Variants in CSMD1 observed in about 807,000 individuals in gnomAD.
The protein encoded by CSMD1 is CUB and sushi domain-containing protein 1.
Under a neutral mutation model 417.5 loss-of-function variants are expected in CSMD1, and 213 were observed. The observed-to-expected ratio is 0.51, with a 90% CI of 0.46 to 0.57. The LOEUF is 0.57. Among genes scored for constraint, CSMD1 ranks in the 20% least tolerant of loss-of-function variants. The pLI is 0.00. For synonymous variants in CSMD1, 2,862 were observed against 1,736.8 expected, an observed-to-expected ratio of 1.65 and a Z score of -16.11; for missense variants, 6,923 against 4,529.7, an observed-to-expected ratio of 1.53 and a Z score of -15.17.
intron 2 of CSMD1, among the ~76,000 whole-genome samples, chr8:4,445,097 A>G (rs1798704105): frequency 1.3e-5 from 2 of 152,216 alleles, no homozygotes; most frequent in Non-Finnish European, 2.9e-5. Context: ...TACTTCTCTG[A>G]ACAACAAAAA....
chr8:3,798,074 T>C (rs761294898), intron 5 of CSMD1, among the ~76,000 whole-genome samples: 1 of 152,006 alleles, frequency 6.6e-6, no homozygotes, highest in Non-Finnish European at 1.5e-5. Context: ...CATTGAAGTA[T>C]TGTGATGATT....
intron 5 of CSMD1, among the ~76,000 whole-genome samples, chr8:3,768,998 C>G (rs1798435229): frequency 6.6e-6 from 1 of 152,194 alleles, no homozygotes. Flanking sequence ...CACAGCAGGC[C>G]CACAGCACAC....
intron 5 of CSMD1, among the ~76,000 whole-genome samples, chr8:3,934,924 G>C (rs768391130): frequency 6.6e-6 from 1 of 152,016 alleles, no homozygotes; most frequent in African/African-American, 2.4e-5. Flanking sequence ...TTATAAGTAC[G>C]GGAGTAGAGG....
At chr8:3,240,121 C>T (rs1389944950) in intron 26 of CSMD1, among the ~76,000 whole-genome samples, 7 of 152,108 alleles carry the variant, frequency 4.6e-5, no homozygotes, top group Admixed American at 2.0e-4. Context: ...CTAGGCAAAA[C>T]AGTAAGGTCA....
chr8:3,736,765 T>G (rs2981369), intron 6 of CSMD1, among the ~76,000 whole-genome samples: 2 of 151,998 alleles, frequency 1.3e-5, no homozygotes, highest in Non-Finnish European at 2.9e-5. Flanking sequence ...AGGTGTGTCG[T>G]TTTGCCTCAG....
intron 6 of CSMD1, among the ~76,000 whole-genome samples, chr8:3,733,297 AAT>A (rs1227391788): frequency 2.0e-5 from 3 of 147,472 alleles, no homozygotes; most frequent in Non-Finnish European, 3.0e-5. Context: ...TATACATATG[AAT>A]ATATATACAC....
Position 4,076,241 on chromosome 8 carries a change from C to G in CSMD1, c.416-44142G>C, listed in dbSNP as rs138637979. Among the ~76,000 whole-genome samples, 643 of 152,282 alleles carry G rather than the reference C, an allele frequency of 4.2e-3. 7 individuals are homozygous for G. Among genetic ancestry groups the G allele is most frequent in the African/African-American group, 0.015 (625 of 41,574 alleles). On this transcript the variant is annotated intron_variant, in intron 3 of 69. Coordinates refer to ENST00000635120, the MANE Select transcript of CSMD1 (RefSeq NM_033225.6). ...GGGGCTTTTCCCCCGTTTCTTGGCA[C>G]TTCTCTCTCCTGCCACTATGTGAAG... is the stretch of plus-strand genomic sequence containing the variant.
In CSMD1 at chr8:4,072,943, A is replaced by G. The variant is rs528772964; in HGVS notation, c.416-40844T>C. ...TATTACCACTTAGAACATTCTTTCA[A>G]AAGTTTTTAAAATTTTGCTCGTGAC... On this transcript the variant is annotated intron_variant, in intron 3 of 69. Coordinates refer to ENST00000635120, the MANE Select transcript of CSMD1 (RefSeq NM_033225.6). Among the ~76,000 whole-genome samples, 9 of 152,306 alleles carry G rather than the reference A, an allele frequency of 5.9e-5. No individual in the cohort carries two copies. The South Asian group carries it at 6.2e-4, about 11-fold the overall frequency.
At chr8:3,392,689 A>T (rs1811422312) in intron 17 of CSMD1, among the ~76,000 whole-genome samples, 1 of 152,098 alleles carries the variant, frequency 6.6e-6, no homozygotes, top group Non-Finnish European at 1.5e-5. Context: ...AGTTCCCTGA[A>T]TCACAATATT....
chr8:4,433,386 T>C (rs952233253), intron 2 of CSMD1, among the ~76,000 whole-genome samples: 5 of 152,102 alleles, frequency 3.3e-5, no homozygotes, highest in African/African-American at 1.2e-4. Flanking sequence ...ATGACATCAT[T>C]ACATAAATTT....
At chr8:3,428,735 G>A (rs568099414) in intron 12 of CSMD1, among the ~76,000 whole-genome samples, 1 of 152,084 alleles carries the variant, frequency 6.6e-6, no homozygotes, top group Non-Finnish European at 1.5e-5. Flanking sequence ...ATCAGTACAT[G>A]GAAGAGATAG....
At chr8:4,196,293 G>C (rs769964041) in intron 3 of CSMD1, among the ~76,000 whole-genome samples, 1 of 152,174 alleles carries the variant, frequency 6.6e-6, no homozygotes, top group African/African-American at 2.4e-5. Flanking sequence ...TTTACAGAGC[G>C]CTCATTTGTT....
rs1025751797 is a variant in CSMD1, at chr8:4,787,217, C to A, written c.86-149659G>T. 9 of 478,816 alleles carry A rather than the reference C, an allele frequency of 1.9e-5. No homozygotes were observed. In the East Asian group the frequency reaches 3.6e-4, roughly 19 times the overall value. 29.7% of individuals were successfully genotyped at this position (478,816 alleles called of 1,614,324 possible). On this transcript the variant is annotated intron_variant, in intron 1 of 69. Transcript: ENST00000635120. ...AGGGTCGCGGGGCCCCGCCAGGGGG[C>A]GCGCCTGGGGGCCGCGCCTCCTTCC...
chr8:4,435,462 C>T (rs1460817705), intron 2 of CSMD1, among the ~76,000 whole-genome samples: 1 of 152,180 alleles, frequency 6.6e-6, no homozygotes, highest in Non-Finnish European at 1.5e-5. Flanking sequence ...CACTGGTTTC[C>T]ACAGAAAATC....
chr8:4,004,482 T>C (rs1451399175), intron 4 of CSMD1, among the ~76,000 whole-genome samples: 1 of 152,032 alleles, frequency 6.6e-6, no homozygotes, highest in African/African-American at 2.4e-5. Flanking sequence ...AATTTATCTA[T>C]TATATATCTG....
intron 3 of CSMD1, among the ~76,000 whole-genome samples, chr8:4,034,039 G>C (rs966696775): frequency 6.6e-6 from 1 of 152,258 alleles, no homozygotes; most frequent in South Asian, 2.1e-4. Flanking sequence ...CAATTGAACA[G>C]AAACTATTTC....
At chr8:3,152,381 C>T (rs941321555) in intron 39 of CSMD1, among the ~76,000 whole-genome samples, 1 of 152,158 alleles carries the variant, frequency 6.6e-6, no homozygotes, top group African/African-American at 2.4e-5. Context: ...GCAAATGATG[C>T]CACTTCTTTT....
chr8:3,830,219 T>A (rs1423556004), intron 5 of CSMD1, among the ~76,000 whole-genome samples: 1 of 152,202 alleles, frequency 6.6e-6, no homozygotes, highest in African/African-American at 2.4e-5. Context: ...GTAAAATATG[T>A]GAAATTTCTA....
intron 1 of CSMD1, among the ~76,000 whole-genome samples, chr8:4,946,018 T>C (rs1808345399): frequency 6.6e-6 from 1 of 152,164 alleles, no homozygotes; most frequent in Non-Finnish European, 1.5e-5. Flanking sequence ...CAGTGGGCTC[T>C]TGTGAACATC....
Sources: allele counts gnomAD v4.1 joint callset (sites outside exome capture counted in the v4.1 genomes callset), GRCh38; gene constraint gnomAD v4.1.1; transcripts MANE v1.5; gene names NCBI Gene and HGNC (gene_info 2026-07-23, HGNC 2026-07-21).